DNM3: variants seen among roughly 807,000 people sequenced by gnomAD.
DNM3 encodes dynamin-3.
Under a neutral mutation model 101.6 loss-of-function variants are expected in DNM3, and 47 were observed. That is an observed-to-expected ratio of 0.46 (90% confidence interval 0.37 to 0.59). DNM3 has a LOEUF of 0.59. DNM3 is among the 20% of genes least tolerant of loss of function. The pLI, the probability that DNM3 is intolerant of heterozygous loss-of-function variation, is 0.00. For missense variants in DNM3, 849 were observed against 1,085.7 expected (o/e 0.78, Z 3.06); for synonymous variants, 385 against 387.9 (o/e 0.99, Z 0.09).
intron 13 of DNM3, among the ~76,000 whole-genome samples, chr1:172,120,484 A>G (rs527527714): frequency 6.6e-6 from 1 of 152,280 alleles, no homozygotes; most frequent in African/African-American, 2.4e-5. Flanking sequence ...AAACACTTGA[A>G]AGCCTTCCCA....
intron 11 of DNM3, among the ~76,000 whole-genome samples, chr1:172,080,366 G>T (rs1433557770): frequency 6.6e-6 from 1 of 152,154 alleles, no homozygotes; most frequent in East Asian, 1.9e-4. Flanking sequence ...CAGCAGCTTT[G>T]TTGAACTGTA....
intron 2 of DNM3, among the ~76,000 whole-genome samples, chr1:171,952,757 A>G (rs966194719): frequency 1.3e-5 from 2 of 152,250 alleles, no homozygotes; most frequent in Non-Finnish European, 2.9e-5. Context: ...TTATTTTGCA[A>G]TATGAATCAA....
intron 14 of DNM3, among the ~76,000 whole-genome samples, chr1:172,216,517 T>C (rs2060705650): frequency 6.6e-6 from 1 of 152,088 alleles, no homozygotes; most frequent in Non-Finnish European, 1.5e-5. Context: ...AATTTATCAG[T>C]TTATGTCTGA....
chr1:172,394,384 C>T (rs10752944), intron 20 of DNM3: 73,338 of 152,080 alleles, frequency 0.48, 20,506 homozygotes, highest in East Asian at 0.87. Context: ...AATGTGTCCC[C>T]TATCTCACTC....
chr1:172,346,727 G>T (rs2066959449), intron 17 of DNM3, among the ~76,000 whole-genome samples: 1 of 152,068 alleles, frequency 6.6e-6, no homozygotes, highest in Non-Finnish European at 1.5e-5. Flanking sequence ...TAAAAGGAAA[G>T]AATCCATAGA....
chr1:172,158,970 A>G (rs1056055201), intron 14 of DNM3, among the ~76,000 whole-genome samples: 1 of 152,052 alleles, frequency 6.6e-6, no homozygotes. Context: ...TTCTTTCTGC[A>G]CATGATCAAG....
rs1003771054 is a variant in DNM3, at chr1:172,402,923, C to CT, written c.2523-4841dup. ...ATTGCTAATAAAGCAAAGTAAAAAT[C>CT]TTTTTTTTACTGAACAGTGGTTTCA... On this transcript the variant is annotated intron_variant, in intron 20 of 20. Coordinates refer to ENST00000627582, the MANE Select transcript of DNM3 (RefSeq NM_015569.5). Among the ~76,000 whole-genome samples the CT allele has an allele frequency of 4.1e-4, 62 of 152,146 alleles. 1 individual carries two copies. Among genetic ancestry groups the CT allele is most frequent in the African/African-American group, 1.3e-3 (53 of 41,518 alleles).
intron 10 of DNM3, among the ~76,000 whole-genome samples, chr1:172,049,691 C>T (rs2050070067): frequency 6.6e-6 from 1 of 152,152 alleles, no homozygotes; most frequent in Non-Finnish European, 1.5e-5. Flanking sequence ...ATTTCTTCAA[C>T]CTATGGATAA....
Position 171,994,631 on chromosome 1 carries a change from A to G in DNM3, c.589+5483A>G, listed in dbSNP as rs371876674. Among the ~76,000 whole-genome samples, 39 of 152,168 alleles carry G rather than the reference A, an allele frequency of 2.6e-4. No individual in the cohort carries two copies. In the East Asian group the frequency reaches 6.8e-3, roughly 26 times the overall value. On this transcript the variant is annotated intron_variant, in intron 4 of 20. Transcript: ENST00000627582. ...TGGCTTTCTAGATTCTAGGTTGTAC[A>G]TATATACAAAATTTTCAATGGCCTT... is the stretch of plus-strand genomic sequence containing the variant.
chr1:172,178,629 G>T (rs963302323), intron 14 of DNM3, among the ~76,000 whole-genome samples: 2 of 151,830 alleles, frequency 1.3e-5, no homozygotes, highest in Non-Finnish European at 2.9e-5. Flanking sequence ...CAGAGAGAAA[G>T]GGTGTGCAAG....
intron 6 of DNM3, among the ~76,000 whole-genome samples, chr1:172,037,113 T>A (rs371377606): frequency 6.6e-6 from 1 of 152,022 alleles, no homozygotes; most frequent in African/African-American, 2.4e-5. Flanking sequence ...CCAGTTAGAA[T>A]GGCAATCATT....
At chr1:172,012,368 G>A (rs868260189) in intron 4 of DNM3, among the ~76,000 whole-genome samples, 3 of 152,168 alleles carry the variant, frequency 2.0e-5, no homozygotes, top group Middle Eastern at 3.4e-3. Context: ...CATTCCACTA[G>A]CTAGAATTCA....
chr1:171,934,046 A>T (rs2041229875), intron 2 of DNM3, among the ~76,000 whole-genome samples: 1 of 152,220 alleles, frequency 6.6e-6, no homozygotes, highest in East Asian at 1.9e-4. Flanking sequence ...ATTCCTCTTC[A>T]AAGTTTTATT....
intron 14 of DNM3, among the ~76,000 whole-genome samples, chr1:172,167,923 AT>A (rs980080549): frequency 1.3e-5 from 2 of 151,848 alleles, no homozygotes; most frequent in Middle Eastern, 3.2e-3. Context: ...CCACAGTAAG[AT>A]TTTTTTTAAG....
intron 15 of DNM3, among the ~76,000 whole-genome samples, chr1:172,267,164 C>G (rs533513728): frequency 6.6e-6 from 1 of 152,320 alleles, no homozygotes; most frequent in Admixed American, 6.5e-5. Flanking sequence ...TATAACTTCT[C>G]TACTGTGAGA....
At chr1:172,303,733 T>A (rs561145812) in intron 15 of DNM3, among the ~76,000 whole-genome samples, 1 of 152,274 alleles carries the variant, frequency 6.6e-6, no homozygotes, top group South Asian at 2.1e-4. Context: ...TTCAACATTC[T>A]TAAAGAAAAG....
At chr1:172,396,047 G>C (rs1166516161) in intron 20 of DNM3, among the ~76,000 whole-genome samples, 1 of 152,236 alleles carries the variant, frequency 6.6e-6, no homozygotes, top group African/African-American at 2.4e-5. Flanking sequence ...GTCTCCTCAT[G>C]GCACTTTTTG....
chr1:172,220,663 G>A (rs1311592909), intron 14 of DNM3, among the ~76,000 whole-genome samples: 2 of 152,112 alleles, frequency 1.3e-5, no homozygotes, highest in Admixed American at 6.6e-5. Context: ...AATGGAGATC[G>A]CATTACCAAA....
chr1:172,027,898 T>A (rs1236369931), intron 4 of DNM3, among the ~76,000 whole-genome samples: 1 of 152,136 alleles, frequency 6.6e-6, no homozygotes, highest in East Asian at 1.9e-4. Context: ...ATGCACCCAA[T>A]ACAGGAGCAT....
Sources: gnomAD v4.1 joint callset for allele counts (sites outside exome capture counted in the v4.1 genomes callset) on GRCh38, gnomAD v4.1.1 for gene constraint, MANE v1.5 for transcripts, NCBI Gene and HGNC (gene_info 2026-07-23, HGNC 2026-07-21) for gene names.